Variants in DNAH8 observed in about 807,000 individuals in gnomAD.
DNAH8 encodes the protein dynein axonemal heavy chain 8.
In DNAH8, 382 loss-of-function variants were observed where a neutral mutation model predicts 562.1. The ratio of observed to expected loss-of-function variants is 0.68; its 90% CI spans 0.63 to 0.74. DNAH8 has a LOEUF of 0.74. Among genes scored for constraint, DNAH8 ranks in the 30% least tolerant of loss-of-function variants. The probability of loss-of-function intolerance (pLI) is 0.00; values close to 1 mark genes in which losing one functional copy is unlikely to be tolerated. For missense variants in DNAH8, 5,203 were observed against 5,620.4 expected (o/e 0.93, Z 2.37); for synonymous variants, 1,881 against 1,919.4 (o/e 0.98, Z 0.52).
chr6:38,954,346 T>C (rs931591150), intron 82 of DNAH8, among the ~76,000 whole-genome samples: 6 of 152,270 alleles, frequency 3.9e-5, no homozygotes, highest in Admixed American at 3.9e-4. Context: ...AAAACTGATA[T>C]AACAATATGT....
At chr6:38,988,179 G>T (rs1055468382) in intron 87 of DNAH8, among the ~76,000 whole-genome samples, 2 of 152,150 alleles carry the variant, frequency 1.3e-5, no homozygotes, top group Non-Finnish European at 2.9e-5. Flanking sequence ...GCATCTTACA[G>T]AGTCTCTCTG....
Position 38,907,979 on chromosome 6 carries a change from T to A in DNAH8, c.9372T>A (p.Asp3124Glu). ...SGEISNLFAR[D>E]EMDEITQGLI... is the part of the protein sequence containing the mutation. ...AGATCTCCAACTTGTTTGCACGAGATGAGATGGATGAAATCACCCAAGGTC... is the reference window on the plus strand; with the variant it reads ...AGATCTCCAACTTGTTTGCACGAGAAGAGATGGATGAAATCACCCAAGGTC... The change falls in exon 64 of 93, where the codon GAT (aspartate) becomes GAA (glutamate). Residue 3124 changes from aspartate to glutamate, a missense_variant. This residue lies in a region of DNAH8 where 977 missense variants were observed against 1,061.8 expected (regional missense o/e 0.92). Transcript: ENST00000327475. 1 of 1,606,924 alleles carries A rather than the reference T, an allele frequency of 6.2e-7. No homozygotes were observed. The highest frequency in any genetic ancestry group is 8.5e-7 in the Non-Finnish European group (1 of 1,177,220).
At chr6:38,918,898 G>T (rs1019009791) in intron 70 of DNAH8, among the ~76,000 whole-genome samples, 4 of 152,048 alleles carry the variant, frequency 2.6e-5, no homozygotes, top group Admixed American at 6.6e-5. Flanking sequence ...GTGGGCAGGG[G>T]GTTACTGTTT....
At chr6:38,985,141 AATAAAATCCACAT>A (rs1764301137) in intron 87 of DNAH8, among the ~76,000 whole-genome samples, 1 of 152,252 alleles carries the variant, frequency 6.6e-6, no homozygotes, top group Non-Finnish European at 1.5e-5. Flanking sequence ...CTCTGTGCCA[AATAAAATCCACAT>A]ATAACATGCT....
At chr6:38,999,919 A>G (rs946526120) in intron 88 of DNAH8, among the ~76,000 whole-genome samples, 3 of 54,668 alleles carry the variant, frequency 5.5e-5, no homozygotes, top group Admixed American at 2.0e-4. Flanking sequence ...AGGCATTTAT[A>G]CACACACACA....
In DNAH8 at chr6:38,836,126, A is replaced by G. The variant is rs115688553; in HGVS notation, c.4365+1485A>G. On this transcript the variant is annotated intron_variant, in intron 32 of 92. Transcript: ENST00000327475. ...TGGGCATATTGACGAAGGTAGAACT[A>G]CTTATCGAAGGAGGGCATGTAGTAG... Among the ~76,000 whole-genome samples, 869 of 152,322 alleles carry G rather than the reference A, an allele frequency of 5.7e-3. 4 individuals carry two copies. Among genetic ancestry groups the G allele is most frequent in the African/African-American group, 0.02 (825 of 41,562 alleles).
At chr6:38,723,275 T>C in intron 2 of DNAH8, 62 bp from the exon 3 acceptor site, 1 of 1,576,628 alleles carries the variant, frequency 6.3e-7, no homozygotes, top group Non-Finnish European at 8.6e-7. Context: ...TTACAAAGTA[T>C]GAAACAGTTT....
Position 38,723,224 on chromosome 6 carries a change from T to C in DNAH8, c.390+25T>C, listed in dbSNP as rs755307859. On this transcript the variant is annotated intron_variant, in intron 2 of 92. Coordinates refer to ENST00000327475, the MANE Select transcript of DNAH8 (RefSeq NM_001206927.2). ...GGTTTGCTTCTAATACGATTTTTCA[T>C]GTGTGCCACTTTTCCTTATCAAATA... is the stretch of plus-strand genomic sequence containing the variant. 35 of 1,589,752 alleles carry C rather than the reference T, an allele frequency of 2.2e-5. No homozygotes were observed. The South Asian group carries it at 3.4e-4, about 16-fold the overall frequency.
chr6:38,885,521 A>G (rs971669056), intron 56 of DNAH8, among the ~76,000 whole-genome samples: 3 of 152,168 alleles, frequency 2.0e-5, no homozygotes, highest in Admixed American at 2.0e-4. Flanking sequence ...TCTGGTCAAC[A>G]TCCTCCAAAG....
chr6:38,852,507 C>G (rs930785033), intron 39 of DNAH8, among the ~76,000 whole-genome samples, 187 bp from the exon 40 acceptor site: 1 of 152,138 alleles, frequency 6.6e-6, no homozygotes, highest in African/African-American at 2.4e-5. Flanking sequence ...AAACATTCCT[C>G]TGGCCTTGAT....
intron 21 of DNAH8, among the ~76,000 whole-genome samples, chr6:38,802,963 G>A (rs1053625934): frequency 2.0e-5 from 3 of 152,172 alleles, no homozygotes; most frequent in Non-Finnish European, 4.4e-5. Context: ...GTCAAAGATG[G>A]ACTTTTTCAT....
chr6:38,882,821 G>T, intron 53 of DNAH8, 89 bp from the exon 54 acceptor site: 1 of 832,422 alleles, frequency 1.2e-6, no homozygotes, highest in Non-Finnish European at 1.8e-6. Context: ...CGATTCTATT[G>T]ATTGTTTATT....
Position 38,872,570 on chromosome 6 carries a change from T to TG in DNAH8, c.7026dup (p.Thr2343AspfsTer28), listed in dbSNP as rs758123764. On this transcript the variant is annotated frameshift_variant, in exon 50 of 93. Coordinates refer to ENST00000327475, the MANE Select transcript of DNAH8 (RefSeq NM_001206927.2). LOFTEE classifies it high-confidence loss of function. Reference sequence around the variant, plus strand: ...ACGTCTTTGGTACGGCATGGCTTGATGACTCTTGGGCCCAGTGGTTCTGGA... The same window carrying TG: ...ACGTCTTTGGTACGGCATGGCTTGATGGACTCTTGGGCCCAGTGGTTCTGGA... The TG allele has an allele frequency of 1.9e-6, 3 of 1,614,012 alleles. No individual in the cohort carries two copies. In the Admixed American group the frequency reaches 5.0e-5, roughly 27 times the overall value.
At chr6:39,020,720 C>T (rs1766862398) in intron 91 of DNAH8, among the ~76,000 whole-genome samples, 2 of 152,100 alleles carry the variant, frequency 1.3e-5, no homozygotes, top group African/African-American at 4.8e-5. Flanking sequence ...TCCCTGTGTC[C>T]ATGTGTTCTC....
intron 48 of DNAH8, among the ~76,000 whole-genome samples, chr6:38,868,455 A>C (rs1446013550): frequency 1.3e-5 from 2 of 152,192 alleles, no homozygotes; most frequent in Non-Finnish European, 2.9e-5. Context: ...CCAAGACTCA[A>C]CCTAGTTGTC....
chr6:38,965,331 C>T (rs555869226), intron 82 of DNAH8, among the ~76,000 whole-genome samples: 210 of 152,030 alleles, frequency 1.4e-3, no homozygotes, highest in African/African-American at 4.8e-3. Context: ...CAGCTTTTGC[C>T]TCCAAAATGA....
At chr6:38,727,555 G>A (rs1475647733) in intron 3 of DNAH8, among the ~76,000 whole-genome samples, 1 of 152,212 alleles carries the variant, frequency 6.6e-6, no homozygotes, top group Non-Finnish European at 1.5e-5. Flanking sequence ...CAACTCTTCA[G>A]TCCTTGGGGG....
At chr6:38,836,446 CAA>C (rs71543945) in intron 32 of DNAH8, among the ~76,000 whole-genome samples, 29,628 of 129,654 alleles carry the variant, frequency 0.23, 3,753 homozygotes, top group African/African-American at 0.38. Context: ...GACTCCATCT[CAA>C]AAAAAAAAAC....
chr6:39,029,869 T>A (rs1356734466), intron 92 of DNAH8, among the ~76,000 whole-genome samples: 1 of 152,066 alleles, frequency 6.6e-6, no homozygotes, highest in Non-Finnish European at 1.5e-5. Context: ...ACCCCACACT[T>A]AAATAACTAA....
Sources: allele counts gnomAD v4.1 joint callset (sites outside exome capture counted in the v4.1 genomes callset), GRCh38; gene constraint gnomAD v4.1.1; regional missense constraint gnomAD v4.1.1; transcripts MANE v1.5; gene names NCBI Gene and HGNC (gene_info 2026-07-23, HGNC 2026-07-21).